STXBP4: variants seen among roughly 807,000 people sequenced by gnomAD.
STXBP4 encodes syntaxin binding protein 4.
In STXBP4, 55 loss-of-function variants were observed where a neutral mutation model predicts 76.1. The observed-to-expected ratio is 0.72, with a 90% CI of 0.58 to 0.91. The LOEUF (loss-of-function observed/expected upper bound fraction) is 0.91. STXBP4 is among the 40% of genes least tolerant of loss of function. The probability of loss-of-function intolerance (pLI) is 0.00; values close to 1 mark genes in which losing one functional copy is unlikely to be tolerated. For synonymous variants in STXBP4, 201 were observed against 220.2 expected, an observed-to-expected ratio of 0.91 and a Z score of 0.77; for missense variants, 618 against 636.9, an observed-to-expected ratio of 0.97 and a Z score of 0.32.
chr17:55,208,577 A>AGAAGGAAAGAAGGAAGGAAGGAAGGAAG, the STXBP4 span, among the ~76,000 whole-genome samples: 4 of 90,334 alleles, frequency 4.4e-5, no homozygotes, highest in African/African-American at 1.8e-4. Context: ...GAGGGAGGGA[A>AGAAGGAAAGAAGGAAGGAAGGAAGGAAG]GAAGGAAGGA....
chr17:55,195,860 G>A, the STXBP4 span, among the ~76,000 whole-genome samples: 1 of 152,148 alleles, frequency 6.6e-6, no homozygotes, highest in East Asian at 1.9e-4. Flanking sequence ...CAGTGTCAGC[G>A]AGAGAGGAAG....
chr17:55,045,801 G>T (rs1371586726), intron 11 of STXBP4, among the ~76,000 whole-genome samples: 1 of 151,966 alleles, frequency 6.6e-6, no homozygotes, highest in African/African-American at 2.4e-5. Flanking sequence ...CTATTGGCTG[G>T]CCAGTTAAAG....
At chr17:55,197,017 T>A in the STXBP4 span, among the ~76,000 whole-genome samples, 1 of 152,202 alleles carries the variant, frequency 6.6e-6, no homozygotes, top group South Asian at 2.1e-4. Flanking sequence ...GATCCTTAGA[T>A]CTATGGAAGG....
At chr17:55,011,411 C>A (rs1031142289) in intron 8 of STXBP4, among the ~76,000 whole-genome samples, 1 of 151,674 alleles carries the variant, frequency 6.6e-6, no homozygotes. Context: ...GTACCTCTCC[C>A]CAAAAGAGGG....
At position 55,159,893 on chromosome 17, in the gene STXBP4, C is replaced by G. The variant is rs764258430; in HGVS notation, c.1644C>G (p.Leu548=). ...ATGAAGAGGATTGCTCTAGAGAACT[C>G]CCCAACCAGAAAAGTTGATGGTTTT... ...EENEEDCSRE[L]PNQKS The change falls in exon 18 of 18, where the codon CTC becomes CTG. Residue 548 remains leucine, a synonymous_variant. Transcript: ENST00000376352. The G allele has an allele frequency of 6.2e-7, 1 of 1,612,360 alleles. No individual in the cohort carries two copies. The highest frequency in any genetic ancestry group is 1.1e-5 in the South Asian group (1 of 90,936).
intron 16 of STXBP4, among the ~76,000 whole-genome samples, chr17:55,088,129 A>G (rs1387014919): frequency 2.0e-5 from 3 of 152,202 alleles, no homozygotes; most frequent in Non-Finnish European, 4.4e-5. Flanking sequence ...AATTCAGATT[A>G]AATTCAGCTG....
rs2077624320 is a variant in STXBP4, at chr17:54,986,212, G to C, written c.-8G>C. On this transcript the variant is annotated 5_prime_UTR_variant, in exon 3 of 18. Coordinates refer to ENST00000376352, the MANE Select transcript of STXBP4 (RefSeq NM_178509.6). ...AGCTGTTAAATCCAAGGCTACTTTG[G>C]TGAAAGCATGAATAAAAATACATCT... is the stretch of plus-strand genomic sequence containing the variant. The C allele has an allele frequency of 6.3e-7, 1 of 1,598,542 alleles. No individual in the cohort carries two copies. Among genetic ancestry groups the C allele is most frequent in the Non-Finnish European group, 8.5e-7 (1 of 1,173,346 alleles).
intron 8 of STXBP4, among the ~76,000 whole-genome samples, chr17:55,025,755 C>T (rs983133374): frequency 2.6e-5 from 4 of 152,170 alleles, no homozygotes; most frequent in Non-Finnish European, 5.9e-5. Context: ...TTTACCACTT[C>T]TATTTTATGT....
intron 15 of STXBP4, 132 bp from the exon 16 acceptor site, chr17:55,080,918 G>T (rs2079247152): frequency 7.4e-6 from 6 of 812,982 alleles, no homozygotes; most frequent in Non-Finnish European, 1.0e-5. Flanking sequence ...TTCAATTTTG[G>T]TTATATGAAA....
At chr17:55,027,522 C>G (rs187854393) in intron 8 of STXBP4, among the ~76,000 whole-genome samples, 1 of 152,066 alleles carries the variant, frequency 6.6e-6, no homozygotes, top group Non-Finnish European at 1.5e-5. Flanking sequence ...TAATACAATT[C>G]ATCTATGTAA....
Position 55,166,331 on chromosome 17 carries a change from A to C in STXBP4, c.*6420A>C, listed in dbSNP as rs2080377614. On this transcript the variant is annotated 3_prime_UTR_variant, in exon 18 of 18. Coordinates refer to ENST00000376352, the MANE Select transcript of STXBP4 (RefSeq NM_178509.6). The stretch of plus-strand genomic sequence containing the variant: ...TGGATGCTTTCAACACAGGTGATAT[A>C]GCTTCTTCCTTCTCCACCACACCTG... 2 of 152,148 alleles carry C rather than the reference A, an allele frequency of 1.3e-5. No individual in the cohort carries two copies. The highest frequency in any genetic ancestry group is 2.9e-5 in the Non-Finnish European group (2 of 68,022). The allele number at this position is 152,148 out of a possible 1,614,324, so 9.4% of individuals were successfully genotyped here. A position where few individuals can be genotyped will look rare whatever the true frequency, so the allele number is the denominator to read the frequency against.
At chr17:55,148,864 C>T (rs919813661) in intron 17 of STXBP4, among the ~76,000 whole-genome samples, 1 of 152,144 alleles carries the variant, frequency 6.6e-6, no homozygotes, top group Non-Finnish European at 1.5e-5. Flanking sequence ...TGTCTAACAC[C>T]CTCCTTCTAA....
In STXBP4 at chr17:55,074,999, A is replaced by G. The variant is rs564368073; in HGVS notation, c.1188+1923A>G. Among the ~76,000 whole-genome samples the G allele has an allele frequency of 2.0e-5, 3 of 152,156 alleles. No homozygotes were observed. The South Asian group carries it at 6.2e-4, about 32-fold the overall frequency. ...TAAGATAACAGATTCTTTTTGTAAC[A>G]GTACATTTATTTTTCATTATAATTT... On this transcript the variant is annotated intron_variant, in intron 13 of 17. Transcript: ENST00000376352.
At chr17:55,084,031 T>G (rs1368645955) in intron 16 of STXBP4, among the ~76,000 whole-genome samples, 1 of 152,190 alleles carries the variant, frequency 6.6e-6, no homozygotes, top group African/African-American at 2.4e-5. Flanking sequence ...GTATTTCTAG[T>G]TCTAGATCCC....
At chr17:55,032,282 A>G (rs2078522920) in intron 9 of STXBP4, among the ~76,000 whole-genome samples, 1 of 152,214 alleles carries the variant, frequency 6.6e-6, no homozygotes, top group Non-Finnish European at 1.5e-5. Flanking sequence ...AAGTGATGAA[A>G]AAAAGATATT....
At chr17:55,140,670 C>T (rs1397145596) in intron 16 of STXBP4, among the ~76,000 whole-genome samples, 1 of 152,152 alleles carries the variant, frequency 6.6e-6, no homozygotes, top group African/African-American at 2.4e-5. Flanking sequence ...CGTCAATCCA[C>T]ATCTCTTTAT....
At chr17:55,134,250 A>G (rs1025367742) in intron 16 of STXBP4, among the ~76,000 whole-genome samples, 1 of 152,032 alleles carries the variant, frequency 6.6e-6, no homozygotes, top group Non-Finnish European at 1.5e-5. Context: ...TGAGGTAAGA[A>G]GCAAGGTCAT....
chr17:55,163,702 T>C lies in STXBP4; in HGVS notation c.*3791T>C, dbSNP rs552324516. The C allele has an allele frequency of 6.6e-5, 10 of 152,556 alleles. No homozygotes were observed. The South Asian group carries it at 8.3e-4, about 13-fold the overall frequency. The allele number at this position is 152,556 out of a possible 1,614,324, so 9.5% of individuals were successfully genotyped here. A position where few individuals can be genotyped will look rare whatever the true frequency, so the allele number is the denominator to read the frequency against. ...TAAAACCATTTTTCTTTCTTTTTTT[T>C]CCCCCTAAACAACCTCTTAAAGGGG... is the stretch of plus-strand genomic sequence containing the variant. On this transcript the variant is annotated 3_prime_UTR_variant, in exon 18 of 18. Transcript: ENST00000376352.
In STXBP4 at chr17:55,173,275, GA is replaced by G. The variant is rs1269774698; in HGVS notation, c.*13365del. The G allele has an allele frequency of 1.3e-5, 2 of 152,142 alleles. No individual in the cohort carries two copies. Among genetic ancestry groups the G allele is most frequent in the Non-Finnish European group, 2.9e-5 (2 of 68,016 alleles). The allele number at this position is 152,142 out of a possible 1,614,324, so 9.4% of individuals were successfully genotyped here. On this transcript the variant is annotated 3_prime_UTR_variant, in exon 18 of 18. Transcript: ENST00000376352. ...GTTATTTGACCACAACCGTAATCAA[GA>G]TACAGAACAGTTTTATCATTTCAAG...
Sources: allele counts gnomAD v4.1 joint callset (sites outside exome capture counted in the v4.1 genomes callset), GRCh38; gene constraint gnomAD v4.1.1; transcripts MANE v1.5; gene names NCBI Gene and HGNC (gene_info 2026-07-23, HGNC 2026-07-21).